The following FSTL5 variants were observed in gnomAD, a reference collection of about 807,000 sequenced individuals.
FSTL5 encodes follistatin like 5, also known as follistatin-related protein 5.
A neutral mutation model predicts 89.1 loss-of-function variants in FSTL5; 62 were observed. That is an observed-to-expected ratio of 0.70 (90% CI 0.57 to 0.86). The LOEUF (loss-of-function observed/expected upper bound fraction) is 0.86. Ranked by LOEUF, FSTL5 falls within the 40% of genes least tolerant of loss-of-function variation. The pLI is 0.00. For missense variants in FSTL5, 1,057 were observed against 1,001.6 expected (o/e 1.06, Z -0.75); for synonymous variants, 383 against 346.2 (o/e 1.11, Z -1.18).
At chr4:161,386,535 A>G in intron 15 of FSTL5, 86 bp from the exon 16 acceptor site, 1 of 859,580 alleles carries the variant, frequency 1.2e-6, no homozygotes, top group Non-Finnish European at 1.8e-6. Context: ...GGAAAGGTCC[A>G]TCGCAGGCTC....
chr4:161,869,872 C>T (rs570942319), intron 4 of FSTL5, among the ~76,000 whole-genome samples: 1 of 152,298 alleles, frequency 6.6e-6, no homozygotes, highest in Admixed American at 6.5e-5. Context: ...ATGCAGAAAT[C>T]ATATTCAAGA....
intron 11 of FSTL5, among the ~76,000 whole-genome samples, chr4:161,505,406 G>C (rs1382669945): frequency 1.3e-5 from 2 of 152,074 alleles, no homozygotes; most frequent in African/African-American, 4.8e-5. Flanking sequence ...AGTTTTTTAG[G>C]AGTGAGTGTG....
chr4:161,510,324 T>C (rs1170584222), intron 11 of FSTL5, 74 bp downstream of exon 11: 7 of 910,222 alleles, frequency 7.7e-6, no homozygotes, highest in East Asian at 5.6e-5. Context: ...TAATTAATGA[T>C]ACAAAATATA....
chr4:161,525,568 A>T (rs1271208796), intron 10 of FSTL5, among the ~76,000 whole-genome samples: 1 of 152,174 alleles, frequency 6.6e-6, no homozygotes, highest in African/African-American at 2.4e-5. Context: ...CAAATACTCA[A>T]TTCAAATTAA....
At position 161,924,965 on chromosome 4, in the gene FSTL5, T is replaced by C. The variant is rs149292550; in HGVS notation, c.161-4313A>G. On this transcript the variant is annotated intron_variant, in intron 3 of 15. Coordinates refer to ENST00000306100, the MANE Select transcript of FSTL5 (RefSeq NM_020116.5). ...ATTATTGGTTAAAAAGAACAACAGA[T>C]TTTGGTCATAGAACAGAATTTGAGT... Among the ~76,000 whole-genome samples, 228 of 151,962 alleles carry C rather than the reference T, an allele frequency of 1.5e-3. 1 individual carries two copies. The highest frequency in any genetic ancestry group is 3.4e-3 in the Middle Eastern group (1 of 294).
At chr4:161,988,691 C>A (rs2111069632) in intron 3 of FSTL5, among the ~76,000 whole-genome samples, 1 of 152,206 alleles carries the variant, frequency 6.6e-6, no homozygotes, top group African/African-American at 2.4e-5. Flanking sequence ...AGTTATTTCT[C>A]ACATACTTTA....
At chr4:162,082,735 T>C (rs1000806152) in intron 2 of FSTL5, among the ~76,000 whole-genome samples, 1 of 151,622 alleles carries the variant, frequency 6.6e-6, no homozygotes, top group African/African-American at 2.4e-5. Context: ...ATATTAAATA[T>C]AAACATATAC....
intron 4 of FSTL5, among the ~76,000 whole-genome samples, chr4:161,803,361 A>G (rs1729858351): frequency 2.0e-5 from 3 of 152,004 alleles, no homozygotes; most frequent in Non-Finnish European, 4.4e-5. Flanking sequence ...AAGATAATAT[A>G]TCCTGTACTG....
chr4:162,081,758 T>C (rs1310571664), intron 2 of FSTL5, among the ~76,000 whole-genome samples: 1 of 150,796 alleles, frequency 6.6e-6, no homozygotes, highest in Non-Finnish European at 1.5e-5. Context: ...ATATATAATA[T>C]GAAAATAGAA....
chr4:162,131,925 T>C (rs1249048975), intron 1 of FSTL5, among the ~76,000 whole-genome samples: 3 of 152,252 alleles, frequency 2.0e-5, no homozygotes, highest in Non-Finnish European at 4.4e-5. Context: ...AAAGATATTC[T>C]GATTCTAGGG....
chr4:161,570,050 C>A (rs184203352), intron 8 of FSTL5, among the ~76,000 whole-genome samples: 184 of 152,120 alleles, frequency 1.2e-3, no homozygotes, highest in African/African-American at 4.0e-3. Context: ...TTAATATATA[C>A]CCTTGTTTTT....
intron 4 of FSTL5, among the ~76,000 whole-genome samples, chr4:161,843,423 C>T (rs192073067): frequency 4.6e-5 from 7 of 152,148 alleles, no homozygotes; most frequent in Admixed American, 6.5e-5. Context: ...CATTTGTGTC[C>T]TCTTATTTCC....
chr4:161,749,736 G>A (rs2126780448), intron 6 of FSTL5, among the ~76,000 whole-genome samples: 1 of 152,000 alleles, frequency 6.6e-6, no homozygotes, highest in African/African-American at 2.4e-5. Flanking sequence ...AGCTTGCAGT[G>A]AGCCAAGATT....
intron 4 of FSTL5, among the ~76,000 whole-genome samples, chr4:161,903,566 AT>A (rs1215050149): frequency 6.6e-6 from 1 of 151,948 alleles, no homozygotes; most frequent in African/African-American, 2.4e-5. Context: ...CACAACATAA[AT>A]TTTTTATGTT....
intron 7 of FSTL5, among the ~76,000 whole-genome samples, chr4:161,610,649 A>G (rs1734600602): frequency 6.6e-6 from 1 of 152,174 alleles, no homozygotes; most frequent in Admixed American, 6.6e-5. Context: ...AACCTAAATT[A>G]GTAATCAAAT....
intron 8 of FSTL5, chr4:161,552,348 C>A (rs1403888105): frequency 1.3e-5 from 2 of 151,722 alleles, no homozygotes; most frequent in East Asian, 3.9e-4. Flanking sequence ...CTTCTTGCAA[C>A]AGTCTTTGGA....
At chr4:161,795,984 A>T (rs1309123640) in intron 4 of FSTL5, among the ~76,000 whole-genome samples, 2 of 151,728 alleles carry the variant, frequency 1.3e-5, no homozygotes, top group African/African-American at 4.8e-5. Flanking sequence ...CTCTTTGAAA[A>T]CCTACATATG....
intron 6 of FSTL5, among the ~76,000 whole-genome samples, chr4:161,717,972 T>C (rs77814986): frequency 0.014 from 2,132 of 152,294 alleles, 49 homozygotes; most frequent in African/African-American, 0.047. Context: ...CAGTCACTTA[T>C]TGTATGTTAT....
intron 2 of FSTL5, among the ~76,000 whole-genome samples, chr4:162,084,433 T>C (rs1730225892): frequency 1.3e-5 from 2 of 151,998 alleles, no homozygotes; most frequent in African/African-American, 4.8e-5. Flanking sequence ...AATATCAGTA[T>C]AAAACTACAA....
Sources: allele counts gnomAD v4.1 joint callset (sites outside exome capture counted in the v4.1 genomes callset), GRCh38; gene constraint gnomAD v4.1.1; transcripts MANE v1.5; gene names NCBI Gene and HGNC (gene_info 2026-07-23, HGNC 2026-07-21).